Variants in C1orf21 observed in about 807,000 individuals in gnomAD.
C1orf21 encodes uncharacterized protein C1orf21.
A neutral mutation model predicts 18.7 loss-of-function variants in C1orf21; 3 were observed. That is an observed-to-expected ratio of 0.16 (90% CI 0.07 to 0.42). The LOEUF is 0.42. Ranked by LOEUF, C1orf21 falls within the 10% of genes least tolerant of loss-of-function variation. The probability of loss-of-function intolerance (pLI) is 0.99; values close to 1 mark genes in which losing one functional copy is unlikely to be tolerated. For synonymous variants in C1orf21, 41 were observed against 46.4 expected (o/e 0.88, Z 0.47); for missense variants, 104 against 143.6 (o/e 0.72, Z 1.41).
intron 1 of C1orf21, among the ~76,000 whole-genome samples, chr1:184,417,354 C>A (rs773934578): frequency 6.6e-6 from 1 of 151,744 alleles, no homozygotes; most frequent in Non-Finnish European, 1.5e-5. Flanking sequence ...AAATACACCC[C>A]TCCCCCAAAG....
chr1:184,414,922 C>T (rs1656424746), intron 1 of C1orf21, among the ~76,000 whole-genome samples: 1 of 152,078 alleles, frequency 6.6e-6, no homozygotes, highest in Non-Finnish European at 1.5e-5. Context: ...GCCACCTTTG[C>T]TTTCATGATT....
chr1:184,448,394 G>A (rs1354672394), intron 1 of C1orf21, among the ~76,000 whole-genome samples: 1 of 152,120 alleles, frequency 6.6e-6, no homozygotes, highest in Non-Finnish European at 1.5e-5. Flanking sequence ...TATCTTTCAA[G>A]TCTTAAGGAA....
chr1:184,572,617 A>G (rs1659128150), intron 3 of C1orf21, among the ~76,000 whole-genome samples: 4 of 152,206 alleles, frequency 2.6e-5, no homozygotes, highest in Admixed American at 1.3e-4. Flanking sequence ...TTTCTACTGC[A>G]TTATGGTATA....
At chr1:184,434,204 A>C (rs1429284333) in intron 1 of C1orf21, among the ~76,000 whole-genome samples, 1 of 152,172 alleles carries the variant, frequency 6.6e-6, no homozygotes, top group Non-Finnish European at 1.5e-5. Flanking sequence ...CTCTTGAATA[A>C]ACACTGGGGT....
At chr1:184,402,417 T>C (rs1012922472) in intron 1 of C1orf21, among the ~76,000 whole-genome samples, 5 of 152,142 alleles carry the variant, frequency 3.3e-5, no homozygotes, top group Middle Eastern at 3.2e-3. Flanking sequence ...GGCCAGGAAT[T>C]TGAGACCAGC....
intron 3 of C1orf21, among the ~76,000 whole-genome samples, chr1:184,558,050 C>G (rs576047565): frequency 2.8e-4 from 42 of 152,300 alleles, no homozygotes; most frequent in African/African-American, 8.7e-4. Flanking sequence ...TCATTTATAT[C>G]CTGCTTTACC....
chr1:184,403,489 G>T (rs1656197074), intron 1 of C1orf21, among the ~76,000 whole-genome samples: 1 of 152,296 alleles, frequency 6.6e-6, no homozygotes, highest in East Asian at 1.9e-4. Flanking sequence ...GGGGTGAAGG[G>T]TATGTTGTGC....
chr1:184,491,210 A>G (rs1247115254), intron 2 of C1orf21, among the ~76,000 whole-genome samples: 1 of 152,230 alleles, frequency 6.6e-6, no homozygotes, highest in Non-Finnish European at 1.5e-5. Flanking sequence ...GCACATTTTC[A>G]TCTTTATGAC....
At chr1:184,477,229 G>A (rs914479604) in intron 1 of C1orf21, among the ~76,000 whole-genome samples, 157 bp from the exon 2 acceptor site, 4 of 152,108 alleles carry the variant, frequency 2.6e-5, no homozygotes, top group Non-Finnish European at 4.4e-5. Flanking sequence ...AATGGGCCAC[G>A]CTGCACATGG....
In C1orf21 at chr1:184,611,198, G is replaced by A. The variant is rs1444678010; in HGVS notation, c.328-8320G>A. Among the ~76,000 whole-genome samples the A allele has an allele frequency of 2.0e-5, 3 of 152,332 alleles. No individual in the cohort carries two copies. The East Asian group carries it at 5.8e-4, about 29-fold the overall frequency. ...TTGATTTTTCTAATGAAGTAATCCA[G>A]GGGAGGAGACTTTAACAGCACAGCT... is the stretch of plus-strand genomic sequence containing the variant. On this transcript the variant is annotated intron_variant, in intron 5 of 5. Coordinates refer to ENST00000235307, the MANE Select transcript of C1orf21 (RefSeq NM_030806.4).
intron 1 of C1orf21, among the ~76,000 whole-genome samples, chr1:184,445,396 CCTTT>C (rs1354408193): frequency 6.6e-6 from 1 of 150,800 alleles, no homozygotes; most frequent in Admixed American, 6.7e-5. Context: ...CTCTCCTTCT[CCTTT>C]CTTCTGTCTA....
chr1:184,424,094 T>C (rs1422347212), intron 1 of C1orf21, among the ~76,000 whole-genome samples: 2 of 152,218 alleles, frequency 1.3e-5, no homozygotes, highest in Non-Finnish European at 2.9e-5. Context: ...ATTTTAGGCC[T>C]GTCTCCTACT....
At chr1:184,448,373 C>T (rs1410212816) in intron 1 of C1orf21, among the ~76,000 whole-genome samples, 2 of 152,148 alleles carry the variant, frequency 1.3e-5, no homozygotes, top group Admixed American at 6.6e-5. Flanking sequence ...CGTGGGCCAC[C>T]GCATCTGGCT....
rs1557989648 is a variant in C1orf21, at chr1:184,507,571, C to A, written c.95-17C>A. ...GGAAAAAAATTATAAAATGTGTTTT[C>A]TTTTTTTGGCACTCAGATGAGTATA... On this transcript the variant is annotated splice_polypyrimidine_tract_variant and intron_variant, in intron 2 of 5. Coordinates refer to ENST00000235307, the MANE Select transcript of C1orf21 (RefSeq NM_030806.4). 8.3e-6 allele frequency: 13 copies of A among 1,565,206 alleles called. No individual in the cohort carries two copies. Among genetic ancestry groups the A allele is most frequent in the Non-Finnish European group, 1.1e-5 (13 of 1,160,338 alleles).
chr1:184,512,877 G>A (rs993353948), intron 3 of C1orf21, among the ~76,000 whole-genome samples: 6 of 152,078 alleles, frequency 3.9e-5, no homozygotes, highest in African/African-American at 7.2e-5. Context: ...GTGAGAGACC[G>A]AAGCTTCATC....
At chr1:184,438,615 A>G (rs1656897271) in intron 1 of C1orf21, among the ~76,000 whole-genome samples, 1 of 152,192 alleles carries the variant, frequency 6.6e-6, no homozygotes, top group Non-Finnish European at 1.5e-5. Flanking sequence ...GTGTGTTGTT[A>G]CAGGACAGAG....
At chr1:184,441,556 G>A (rs1656947107) in intron 1 of C1orf21, among the ~76,000 whole-genome samples, 1 of 152,168 alleles carries the variant, frequency 6.6e-6, no homozygotes, top group Admixed American at 6.5e-5. Context: ...TTATTATAAT[G>A]TGTGATTATT....
In C1orf21 at chr1:184,621,663, T is replaced by A. The variant is rs1659917923; in HGVS notation, c.*2107T>A. On this transcript the variant is annotated 3_prime_UTR_variant, in exon 6 of 6. Transcript: ENST00000235307. ...GTGTCTTCCCAGAAAACCACCACCC[T>A]CTACCCAAAGATGAAACATGCTCAT... The A allele has an allele frequency of 6.6e-6, 1 of 152,256 alleles. No individual in the cohort carries two copies. The highest frequency in any genetic ancestry group is 2.4e-5 in the African/African-American group (1 of 41,454). 9.4% of individuals were successfully genotyped at this position (152,256 alleles called of 1,614,324 possible). A position where few individuals can be genotyped will look rare whatever the true frequency, so the allele number is the denominator to read the frequency against.
chr1:184,405,221 G>A (rs1656226242), intron 1 of C1orf21, among the ~76,000 whole-genome samples: 1 of 151,692 alleles, frequency 6.6e-6, no homozygotes, highest in East Asian at 1.9e-4. Flanking sequence ...TTTGAGTCAG[G>A]GTCTTGCTCT....
Sources: allele counts gnomAD v4.1 joint callset (sites outside exome capture counted in the v4.1 genomes callset), GRCh38; gene constraint gnomAD v4.1.1; transcripts MANE v1.5; gene names NCBI Gene and HGNC (gene_info 2026-07-23, HGNC 2026-07-21).